CCSER1: variants seen among roughly 807,000 people sequenced by gnomAD.
CCSER1 encodes serine-rich coiled-coil domain-containing protein 1.
In CCSER1, 41 loss-of-function variants were observed where a neutral mutation model predicts 82.0. That is an observed-to-expected ratio of 0.50 (90% CI 0.39 to 0.65). The LOEUF (loss-of-function observed/expected upper bound fraction) is 0.65, where lower values mean the gene tolerates loss of function less well. CCSER1 is among the 30% of genes least tolerant of loss of function. The probability of loss-of-function intolerance (pLI) is 0.00; values close to 1 mark genes in which losing one functional copy is unlikely to be tolerated. For missense variants in CCSER1, 1,119 were observed against 1,064.2 expected, an observed-to-expected ratio of 1.05 and a Z score of -0.72; for synonymous variants, 414 against 383.9, an observed-to-expected ratio of 1.08 and a Z score of -0.92.
chr4:90,945,207 CATAAT>C (rs1222281868), intron 9 of CCSER1, among the ~76,000 whole-genome samples: 17 of 151,930 alleles, frequency 1.1e-4, no homozygotes, highest in African/African-American at 3.1e-4. Context: ...GGATGTGTGT[CATAAT>C]ATACTACAAA....
intron 9 of CCSER1, among the ~76,000 whole-genome samples, chr4:90,948,706 A>T (rs1291184144): frequency 6.6e-6 from 1 of 152,034 alleles, no homozygotes; most frequent in Non-Finnish European, 1.5e-5. Context: ...TATGCTTTGT[A>T]AAAAATAGAA....
intron 5 of CCSER1, among the ~76,000 whole-genome samples, chr4:90,627,635 A>G (rs961129160): frequency 1.3e-5 from 2 of 152,086 alleles, no homozygotes; most frequent in African/African-American, 2.4e-5. Flanking sequence ...CACTAAATGT[A>G]TATTTGAACC....
intron 8 of CCSER1, among the ~76,000 whole-genome samples, chr4:90,905,116 A>G (rs1326199731): frequency 1.3e-5 from 2 of 152,102 alleles, no homozygotes; most frequent in Non-Finnish European, 2.9e-5. Flanking sequence ...ATAGGACTCT[A>G]TCCCTTTTGC....
At chr4:91,296,485 A>ATATATATATATT (rs1365247761) in intron 10 of CCSER1, among the ~76,000 whole-genome samples, 1 of 140,984 alleles carries the variant, frequency 7.1e-6, no homozygotes, top group South Asian at 2.2e-4. Context: ...ATATATATAT[A>ATATATATATATT]TTTTAATTAA....
intron 5 of CCSER1, among the ~76,000 whole-genome samples, chr4:90,534,441 TTG>T (rs376987549): frequency 0.13 from 17,259 of 136,236 alleles, 1,133 homozygotes; most frequent in East Asian, 0.25. Context: ...TGCCAGCCTT[TTG>T]TGTGTGTGTG....
At chr4:90,589,091 C>G (rs1782380664) in intron 5 of CCSER1, among the ~76,000 whole-genome samples, 1 of 151,994 alleles carries the variant, frequency 6.6e-6, no homozygotes, top group South Asian at 2.1e-4. Flanking sequence ...ATACCAGTAA[C>G]TAAAATACAG....
intron 5 of CCSER1, among the ~76,000 whole-genome samples, chr4:90,509,514 T>C (rs78388761): frequency 6.6e-6 from 1 of 151,788 alleles, no homozygotes; most frequent in Non-Finnish European, 1.5e-5. Context: ...ATTGCAATCA[T>C]TTTTTTTATA....
intron 3 of CCSER1, among the ~76,000 whole-genome samples, chr4:90,335,794 T>C (rs1387107320): frequency 2.0e-5 from 3 of 152,210 alleles, no homozygotes; most frequent in Non-Finnish European, 4.4e-5. Context: ...TGTATTGTTC[T>C]CTGTTGCAAC....
chr4:91,536,448 C>T (rs571000014), intron 10 of CCSER1, among the ~76,000 whole-genome samples: 67 of 152,136 alleles, frequency 4.4e-4, no homozygotes, highest in Non-Finnish European at 8.4e-4. Flanking sequence ...CACTGTAGAT[C>T]CAGTCTCTAC....
At chr4:91,047,998 G>A (rs1292347266) in intron 9 of CCSER1, among the ~76,000 whole-genome samples, 5 of 151,636 alleles carry the variant, frequency 3.3e-5, no homozygotes, top group Non-Finnish European at 5.9e-5. Flanking sequence ...ATTTATTGTC[G>A]TATAAACTCC....
chr4:90,857,229 G>A (rs1377735381), intron 8 of CCSER1, among the ~76,000 whole-genome samples: 1 of 152,078 alleles, frequency 6.6e-6, no homozygotes. Flanking sequence ...AAGCTGGCCT[G>A]CAGTTGTCTC....
intron 9 of CCSER1, among the ~76,000 whole-genome samples, chr4:91,048,389 T>C (rs1375661460): frequency 1.3e-5 from 2 of 151,984 alleles, no homozygotes; most frequent in Non-Finnish European, 1.5e-5. Context: ...TGTTCCTCAA[T>C]TTGCTATAAT....
chr4:90,472,074 A>G (rs1764484723), intron 5 of CCSER1, among the ~76,000 whole-genome samples: 1 of 152,116 alleles, frequency 6.6e-6, no homozygotes, highest in South Asian at 2.1e-4. Context: ...ATTTCTTTTT[A>G]ATTTTGGATG....
At chr4:90,881,686 G>A (rs911390887) in intron 8 of CCSER1, among the ~76,000 whole-genome samples, 2 of 152,168 alleles carry the variant, frequency 1.3e-5, no homozygotes, top group Non-Finnish European at 2.9e-5. Context: ...TGAGGAGGCC[G>A]AGGTGGGAGG....
At chr4:91,524,496 T>A (rs1004438434) in intron 10 of CCSER1, among the ~76,000 whole-genome samples, 3 of 152,328 alleles carry the variant, frequency 2.0e-5, no homozygotes, top group African/African-American at 4.8e-5. Context: ...ATTTGTAACA[T>A]ACTTGGAGAT....
chr4:90,235,212 G>A (rs1440746471), intron 1 of CCSER1: 1 of 152,598 alleles, frequency 6.6e-6, no homozygotes, highest in Non-Finnish European at 1.5e-5. Context: ...TGATGCCTTG[G>A]GCTCTCCATG....
At chr4:90,461,053 A>ATT (rs397880822) in intron 4 of CCSER1, among the ~76,000 whole-genome samples, 1 of 49,744 alleles carries the variant, frequency 2.0e-5, no homozygotes, top group East Asian at 5.9e-4. Flanking sequence ...TGCCCAGGCT[A>ATT]TTTTTTTTTT....
intron 5 of CCSER1, among the ~76,000 whole-genome samples, chr4:90,607,037 TGGA>T (rs1343730793): frequency 6.6e-6 from 1 of 152,180 alleles, no homozygotes; most frequent in Admixed American, 6.5e-5. Context: ...TCATTGCTAG[TGGA>T]GGAGAACACA....
At chr4:91,538,556 T>G (rs1015783345) in intron 10 of CCSER1, among the ~76,000 whole-genome samples, 1 of 151,466 alleles carries the variant, frequency 6.6e-6, no homozygotes, top group South Asian at 2.1e-4. Context: ...ACCACAGACA[T>G]AGAGAGGTAC....
Sources: gnomAD v4.1 joint callset for allele counts (sites outside exome capture counted in the v4.1 genomes callset) on GRCh38, gnomAD v4.1.1 for gene constraint, MANE v1.5 for transcripts, NCBI Gene and HGNC (gene_info 2026-07-23, HGNC 2026-07-21) for gene names.